Variants in NDST4 observed in about 807,000 individuals in gnomAD.
NDST4 encodes the protein N-heparan sulfate sulfotransferase 4.
A neutral mutation model predicts 100.8 loss-of-function variants in NDST4; 63 were observed. The ratio of observed to expected loss-of-function variants is 0.62; its 90% CI spans 0.51 to 0.77. The LOEUF (loss-of-function observed/expected upper bound fraction) is 0.77. Among genes scored for constraint, NDST4 ranks in the 30% least tolerant of loss-of-function variants. The pLI is 0.00. For missense variants in NDST4, 943 were observed against 1,018.4 expected (o/e 0.93, Z 1.01); for synonymous variants, 377 against 361.8 (o/e 1.04, Z -0.48).
chr4:114,855,171 A>G (rs1723766690), intron 7 of NDST4, among the ~76,000 whole-genome samples: 1 of 151,906 alleles, frequency 6.6e-6, no homozygotes, highest in Non-Finnish European at 1.5e-5. Context: ...TCCCTTACAT[A>G]TTCTGGTTAA....
Position 115,085,687 on chromosome 4 carries a change from A to G in NDST4, c.-246-8405T>C, listed in dbSNP as rs187793323. ...ACCCTGTAATGAGATGCCTTCTACC[A>G]TGATTTTAAGTTTCCTGAGGCCTCC... On this transcript the variant is annotated intron_variant, in intron 1 of 13. Transcript: ENST00000264363. Among the ~76,000 whole-genome samples, 156 of 152,230 alleles carry G rather than the reference A, an allele frequency of 1.0e-3. 1 individual carries two copies. Among genetic ancestry groups the G allele is most frequent in the Non-Finnish European group, 1.6e-4 (11 of 68,002 alleles).
chr4:114,990,810 G>T lies in NDST4; in HGVS notation c.979-13536C>A, dbSNP rs747677666. On this transcript the variant is annotated intron_variant, in intron 2 of 13. Transcript: ENST00000264363. ...TTTATTAAGTGCATTAAAACTTTAT[G>T]CCCCAGACATCATTGACAGTAAACA... is the stretch of plus-strand genomic sequence containing the variant. Among the ~76,000 whole-genome samples the T allele has an allele frequency of 3.0e-4, 46 of 152,124 alleles. No individual in the cohort carries two copies. The Middle Eastern group carries it at 0.017, about 56-fold the overall frequency.
chr4:114,982,844 T>A (rs279514), intron 2 of NDST4, among the ~76,000 whole-genome samples: 1 of 152,002 alleles, frequency 6.6e-6, no homozygotes, highest in Non-Finnish European at 1.5e-5. Context: ...GTTTCTTGGG[T>A]CAAATTCATG....
At chr4:114,927,519 C>T (rs976954440) in intron 6 of NDST4, among the ~76,000 whole-genome samples, 1 of 151,758 alleles carries the variant, frequency 6.6e-6, no homozygotes, top group Non-Finnish European at 1.5e-5. Context: ...AGGGGCTTTT[C>T]ATTATTTCCT....
chr4:114,842,987 T>G (rs1723461986), intron 10 of NDST4, among the ~76,000 whole-genome samples: 1 of 152,104 alleles, frequency 6.6e-6, no homozygotes, highest in African/African-American at 2.4e-5. Context: ...TGGTCACTAT[T>G]TCAAAGTTAT....
chr4:114,864,372 A>T (rs1299552939), intron 7 of NDST4, among the ~76,000 whole-genome samples: 4 of 152,252 alleles, frequency 2.6e-5, no homozygotes, highest in Non-Finnish European at 5.9e-5. Flanking sequence ...CTTTTAAAAC[A>T]CATTTTTCCT....
chr4:114,907,335 G>C (rs532374025), intron 6 of NDST4, among the ~76,000 whole-genome samples: 1 of 152,192 alleles, frequency 6.6e-6, no homozygotes, highest in South Asian at 2.1e-4. Context: ...TAAATGTCTA[G>C]CTGTCAACAC....
At chr4:114,869,799 CA>C (rs1724108735) in intron 7 of NDST4, among the ~76,000 whole-genome samples, 1 of 152,130 alleles carries the variant, frequency 6.6e-6, no homozygotes, top group Non-Finnish European at 1.5e-5. Context: ...TTGTTCTTTG[CA>C]TGCCCTAGAA....
At chr4:114,846,490 C>T (rs1409733322) in intron 9 of NDST4, among the ~76,000 whole-genome samples, 1 of 152,110 alleles carries the variant, frequency 6.6e-6, no homozygotes, top group Non-Finnish European at 1.5e-5. Flanking sequence ...GGTTCTCTTC[C>T]TTCTTAATTT....
At chr4:115,069,633 T>C (rs943606819) in intron 2 of NDST4, among the ~76,000 whole-genome samples, 1 of 152,152 alleles carries the variant, frequency 6.6e-6, no homozygotes, top group Non-Finnish European at 1.5e-5. Context: ...GATGGCTTCA[T>C]GCCTGTAATC....
chr4:114,955,179 C>A (rs528986165), intron 4 of NDST4, among the ~76,000 whole-genome samples: 8 of 152,150 alleles, frequency 5.3e-5, no homozygotes, highest in Admixed American at 5.2e-4. Context: ...AAGAACTGTA[C>A]AGCCTTGATG....
Position 114,829,642 on chromosome 4 carries a change from T to C in NDST4, c.2499+148A>G, listed in dbSNP as rs749142188. 3.9e-4 allele frequency: 211 copies of C among 543,576 alleles called. 1 individual carries two copies. The highest frequency in any genetic ancestry group is 4.3e-4 in the Non-Finnish European group (134 of 313,124). 33.7% of individuals were successfully genotyped at this position (543,576 alleles called of 1,614,324 possible). ...TCTATCTATCTATCATTTCTATGTG[T>C]CAATTATCTCTATCATCCTCTAAGT... is the stretch of plus-strand genomic sequence containing the variant. On this transcript the variant is annotated intron_variant, in intron 13 of 13. Coordinates refer to ENST00000264363, the MANE Select transcript of NDST4 (RefSeq NM_022569.3).
chr4:115,023,571 T>C (rs754164511), intron 2 of NDST4, among the ~76,000 whole-genome samples: 15 of 149,400 alleles, frequency 1.0e-4, no homozygotes, highest in Non-Finnish European at 2.2e-4. Context: ...AATTAATAAA[T>C]CACATACAGT....
chr4:114,855,051 A>G (rs1723763221), intron 7 of NDST4, among the ~76,000 whole-genome samples: 1 of 152,090 alleles, frequency 6.6e-6, no homozygotes, highest in Non-Finnish European at 1.5e-5. Context: ...GAACATTTTC[A>G]TATAATAATT....
intron 4 of NDST4, among the ~76,000 whole-genome samples, chr4:114,959,848 G>A (rs865982345): frequency 6.6e-6 from 1 of 152,066 alleles, no homozygotes; most frequent in African/African-American, 2.4e-5. Context: ...AGAGTGAAGG[G>A]AGAAAAAGAA....
intron 3 of NDST4, among the ~76,000 whole-genome samples, chr4:114,973,492 A>G (rs279524): frequency 0.1 from 15,815 of 151,950 alleles, 1,147 homozygotes; most frequent in East Asian, 0.29. Flanking sequence ...ATCCTGGTCT[A>G]GATAATTATT....
chr4:114,988,853 A>C (rs901394988), intron 2 of NDST4, among the ~76,000 whole-genome samples: 1 of 152,212 alleles, frequency 6.6e-6, no homozygotes, highest in Non-Finnish European at 1.5e-5. Flanking sequence ...TATGAAAACC[A>C]TTATTATTCA....
rs1180337132 is a variant in NDST4 at position 115,076,605 on chromosome 4, T to C, written c.432A>G (p.Ser144=). 4 of 1,613,932 alleles carry C rather than the reference T, an allele frequency of 2.5e-6. No individual in the cohort carries two copies. Among genetic ancestry groups the C allele is most frequent in the Admixed American group, 3.3e-5 (2 of 59,998 alleles). ...ATTTTTCTAAAAGCTCTCGATTCCA[T>C]GAGTCCATGCTGACATACTTCAGAA... ...ENILKYVSMD[S]WNRELLEKYC... The change falls in exon 2 of 14, where the codon TCA becomes TCG. Residue 144 remains serine, a synonymous_variant. Coordinates refer to ENST00000264363, the MANE Select transcript of NDST4 (RefSeq NM_022569.3).
At chr4:114,892,630 AT>A (rs1459229609) in intron 6 of NDST4, among the ~76,000 whole-genome samples, 3 of 152,024 alleles carry the variant, frequency 2.0e-5, no homozygotes, top group Admixed American at 6.6e-5. Flanking sequence ...GTGTGTGTGC[AT>A]TGAGTTAGAA....
Sources: gnomAD v4.1 joint callset for allele counts (sites outside exome capture counted in the v4.1 genomes callset) on GRCh38, gnomAD v4.1.1 for gene constraint, MANE v1.5 for transcripts, NCBI Gene and HGNC (gene_info 2026-07-23, HGNC 2026-07-21) for gene names.